Variants in ALK observed in about 807,000 individuals in gnomAD.
ALK encodes ALK receptor tyrosine kinase.
A neutral mutation model predicts 163.1 loss-of-function variants in ALK; 74 were observed. The observed-to-expected ratio is 0.45, with a 90% CI of 0.38 to 0.55. The LOEUF is 0.55. ALK is among the 20% of genes least tolerant of loss of function. The pLI, the probability that ALK is intolerant of heterozygous loss-of-function variation, is 0.00. For missense variants in ALK, 2,063 were observed against 2,105.3 expected (o/e 0.98, Z 0.39); for synonymous variants, 960 against 843.2 (o/e 1.14, Z -2.40).
chr2:29,541,030 C>G (rs1398118847), intron 3 of ALK, among the ~76,000 whole-genome samples: 1 of 151,966 alleles, frequency 6.6e-6, no homozygotes, highest in South Asian at 2.1e-4. Flanking sequence ...AGCCTTTTTT[C>G]CCTGTTTCCA....
At chr2:29,315,144 C>T (rs1666797569) in intron 8 of ALK, among the ~76,000 whole-genome samples, 1 of 151,976 alleles carries the variant, frequency 6.6e-6, no homozygotes, top group Admixed American at 6.5e-5. Context: ...CCACAGCGTT[C>T]TTTCTTGTTT....
chr2:29,857,710 A>G (rs1358746173), intron 1 of ALK, among the ~76,000 whole-genome samples: 1 of 152,252 alleles, frequency 6.6e-6, no homozygotes, highest in Non-Finnish European at 1.5e-5. Flanking sequence ...GAGTAGAAAC[A>G]TACTCTCGTT....
At chr2:29,915,957 C>A (rs1357324737) in intron 1 of ALK, among the ~76,000 whole-genome samples, 5 of 152,154 alleles carry the variant, frequency 3.3e-5, no homozygotes, top group African/African-American at 4.8e-5. Flanking sequence ...TGCTTCTCAC[C>A]AACTTCAAAG....
intron 13 of ALK, among the ~76,000 whole-genome samples, chr2:29,236,392 G>C (rs1664382235): frequency 6.6e-6 from 1 of 152,196 alleles, no homozygotes; most frequent in Non-Finnish European, 1.5e-5. Flanking sequence ...GGATGGGGAG[G>C]AGACAGCAGT....
intron 8 of ALK, among the ~76,000 whole-genome samples, chr2:29,316,684 C>A (rs189937949): frequency 1.3e-5 from 2 of 152,156 alleles, no homozygotes; most frequent in African/African-American, 2.4e-5. Context: ...TTTCTAGGTA[C>A]CTGCTCTCAG....
intron 1 of ALK, among the ~76,000 whole-genome samples, chr2:29,749,015 A>G (rs962000688): frequency 1.3e-5 from 2 of 152,098 alleles, no homozygotes; most frequent in African/African-American, 4.8e-5. Context: ...AAAGTAAGAG[A>G]TACTAACATA....
chr2:29,402,565 C>T (rs1003331533), intron 4 of ALK, among the ~76,000 whole-genome samples: 3 of 152,194 alleles, frequency 2.0e-5, no homozygotes, highest in Admixed American at 6.5e-5. Context: ...TGAAGATACA[C>T]CGTATAATAG....
rs534852056 is a variant in ALK at position 29,220,777 on chromosome 2, G to T, written c.3574C>A (p.Arg1192=). ...CIGVSLQSLP[R]FILLELMAGG... is the part of the protein sequence containing the mutation. ...GCCATGAGCTCCAGCAGGATGAACC[G>T]GGGCAGGGATTGCAGGCTCACCCCA... Residue 1192 remains arginine (R), a synonymous_variant, in exon 23 of 29, where the codon CGG becomes AGG. Transcript: ENST00000389048. 6.8e-6 allele frequency: 11 copies of T among 1,614,074 alleles called. No homozygotes were observed. Among genetic ancestry groups the T allele is most frequent in the Non-Finnish European group, 9.3e-6 (11 of 1,179,950 alleles).
At chr2:29,791,469 G>C (rs1013639666) in intron 1 of ALK, among the ~76,000 whole-genome samples, 1 of 152,130 alleles carries the variant, frequency 6.6e-6, no homozygotes, top group Non-Finnish European at 1.5e-5. Flanking sequence ...TCACACACCA[G>C]GGCCTGTCGA....
At position 29,916,388 on chromosome 2, in the gene ALK, ATATT is replaced by A. The variant is rs1369539254; in HGVS notation, c.667+3601_667+3604del. Reference sequence around the variant, plus strand: ...TCATCGCCATTTAGCCCAGCCATATATATTTAATTCTTTTCATCTTTCATTGTAA... The same window carrying A: ...TCATCGCCATTTAGCCCAGCCATATATAATTCTTTTCATCTTTCATTGTAA... On this transcript the variant is annotated intron_variant, in intron 1 of 28. Coordinates refer to ENST00000389048, the MANE Select transcript of ALK (RefSeq NM_004304.5). 5.9e-5 allele frequency among the ~76,000 whole-genome samples: 9 copies of A among 152,334 alleles called. No individual in the cohort carries two copies. The South Asian group carries it at 1.0e-3, about 18-fold the overall frequency.
At chr2:29,256,072 A>G (rs1362788416) in intron 11 of ALK, among the ~76,000 whole-genome samples, 12 of 152,218 alleles carry the variant, frequency 7.9e-5, no homozygotes, top group African/African-American at 2.9e-4. Context: ...TTGATTTTCA[A>G]AAGTGTTGCT....
At chr2:29,890,458 C>T (rs1667114229) in intron 1 of ALK, 1 of 152,184 alleles carries the variant, frequency 6.6e-6, no homozygotes, top group South Asian at 2.1e-4. Flanking sequence ...TTTGCCGTGT[C>T]CTAGAACCCT....
At chr2:29,229,096 G>A in intron 15 of ALK, 30 bp from the exon 16 acceptor site, 1 of 1,607,430 alleles carries the variant, frequency 6.2e-7, no homozygotes, top group Non-Finnish European at 8.5e-7. Context: ...ACCTGCGTGA[G>A]GATGCTGGCA....
chr2:29,476,236 G>A lies in ALK; in HGVS notation c.1154+55679C>T, dbSNP rs545391176. On this transcript the variant is annotated intron_variant, in intron 4 of 28. Coordinates refer to ENST00000389048, the MANE Select transcript of ALK (RefSeq NM_004304.5). Reference sequence around the variant, plus strand: ...TGCAGGCATGCATCTAGTCCTTCATGCATCTGACATACAATGAGCGCATTC... The same window carrying A: ...TGCAGGCATGCATCTAGTCCTTCATACATCTGACATACAATGAGCGCATTC... Among the ~76,000 whole-genome samples, 161 of 152,270 alleles carry A rather than the reference G, an allele frequency of 1.1e-3. 3 individuals are homozygous for A. The highest frequency in any genetic ancestry group is 1.2e-3 in the Non-Finnish European group (82 of 68,020).
chr2:29,584,650 C>A (rs151117594), intron 3 of ALK, among the ~76,000 whole-genome samples: 1 of 152,234 alleles, frequency 6.6e-6, no homozygotes, highest in Non-Finnish European at 1.5e-5. Flanking sequence ...CCAGGACCTG[C>A]AGAACTCCTT....
intron 4 of ALK, among the ~76,000 whole-genome samples, chr2:29,446,164 AAAAC>A (rs1261601431): frequency 1.3e-5 from 2 of 151,308 alleles, no homozygotes; most frequent in Non-Finnish European, 2.9e-5. Flanking sequence ...AAAATAAAAC[AAAAC>A]AAACAACAAA....
intron 9 of ALK, among the ~76,000 whole-genome samples, chr2:29,292,311 T>C (rs940356094): frequency 3.3e-5 from 5 of 152,228 alleles, no homozygotes; most frequent in Non-Finnish European, 7.3e-5. Context: ...GAACTTAGCA[T>C]GGCTTCTGCT....
chr2:29,364,695 C>G (rs1199103658), intron 5 of ALK, among the ~76,000 whole-genome samples: 2 of 152,264 alleles, frequency 1.3e-5, no homozygotes, highest in Middle Eastern at 3.4e-3. Context: ...CTTGTAGAGA[C>G]CAAATGTGGA....
intron 1 of ALK, among the ~76,000 whole-genome samples, chr2:29,821,031 G>A (rs189966017): frequency 1.3e-5 from 2 of 152,318 alleles, no homozygotes; most frequent in East Asian, 3.9e-4. Context: ...TCTACCTGGA[G>A]CTTGCCCGAG....
Sources: allele counts gnomAD v4.1 joint callset (sites outside exome capture counted in the v4.1 genomes callset), GRCh38; gene constraint gnomAD v4.1.1; transcripts MANE v1.5; gene names NCBI Gene and HGNC (gene_info 2026-07-23, HGNC 2026-07-21).